The following NR2E1 variants were observed in gnomAD, a reference collection of about 807,000 sequenced individuals.
The protein encoded by NR2E1 is nuclear receptor subfamily 2 group E member 1.
A neutral mutation model predicts 43.6 loss-of-function variants in NR2E1; 5 were observed. The ratio of observed to expected loss-of-function variants is 0.11; its 90% CI spans 0.06 to 0.24. The LOEUF is 0.24. NR2E1 is among the 10% of genes least tolerant of loss of function. The pLI, the probability that NR2E1 is intolerant of heterozygous loss-of-function variation, is 1.00. For missense variants in NR2E1, 287 were observed against 496.7 expected (o/e 0.58, Z 4.01); for synonymous variants, 191 against 195.5 (o/e 0.98, Z 0.19).
intron 1 of NR2E1, chr6:108,168,070 C>A (rs779955537): frequency 6.2e-7 from 1 of 1,603,226 alleles, no homozygotes; most frequent in Admixed American, 1.7e-5. Context: ...GAGCCCTCAC[C>A]GCGGCCGGAA....
intron 1 of NR2E1, among the ~76,000 whole-genome samples, chr6:108,170,738 G>A (rs1773798327): frequency 1.3e-5 from 2 of 152,132 alleles, no homozygotes; most frequent in Non-Finnish European, 1.5e-5. Context: ...AAGCTAACCC[G>A]ACAGGGAACC....
chr6:108,166,753 C>G lies in NR2E1; in HGVS notation c.-13C>G. 1.3e-6 allele frequency: 2 copies of G among 1,572,852 alleles called. No homozygotes were observed. The highest frequency in any genetic ancestry group is 2.2e-4 in the Middle Eastern group (1 of 4,594). The stretch of plus-strand genomic sequence containing the variant: ...GCAGCGCCCACCAACCGCTCCGCCC[C>G]GGGACAGCCAGCATGAGCAAGCCAG... On this transcript the variant is annotated 5_prime_UTR_variant, in exon 1 of 9. Coordinates refer to ENST00000368986, the MANE Select transcript of NR2E1 (RefSeq NM_003269.5). The surrounding 1 kb of genome is among the most constrained non-coding windows in gnomAD (Gnocchi z 7.2).
chr6:108,179,667 T>C (rs939637870), intron 5 of NR2E1, among the ~76,000 whole-genome samples: 4 of 152,148 alleles, frequency 2.6e-5, no homozygotes. Context: ...GAATCTGGTA[T>C]ATTAATTTGG....
Position 108,188,502 on chromosome 6 carries a change from AACAC to A in NR2E1, c.*1086_*1089del, listed in dbSNP as rs373693807. On this transcript the variant is annotated 3_prime_UTR_variant, in exon 9 of 9. Transcript: ENST00000368986. ...CTGGTTTCTAGTAAAGCCTTGAATGAACACACACACACACACACACACACACACA... is the reference window on the plus strand; with the variant it reads ...CTGGTTTCTAGTAAAGCCTTGAATGAACACACACACACACACACACACACA... 0.087 allele frequency: 11,521 copies of A among 132,866 alleles called. 547 individuals carry two copies. The highest frequency in any genetic ancestry group is 0.15 in the African/African-American group (5,182 of 35,322). 8.2% of individuals were successfully genotyped at this position (132,866 alleles called of 1,614,324 possible). A position where few individuals can be genotyped will look rare whatever the true frequency, so the allele number is the denominator to read the frequency against.
rs1047622804 is a variant in NR2E1 at position 108,166,586 on chromosome 6, T to C, written c.-180T>C. 1.9e-6 allele frequency: 1 copy of C among 532,558 alleles called. No homozygotes were observed. The highest frequency in any genetic ancestry group is 3.2e-6 in the Non-Finnish European group (1 of 310,338). The allele number at this position is 532,558 out of a possible 1,614,324, so 33.0% of individuals were successfully genotyped here. ...CTTAAGGATGCTTAAATTTCCACTGTTGGACGAATTCTGAGCGCCCAGGGA... is the reference window on the plus strand; with the variant it reads ...CTTAAGGATGCTTAAATTTCCACTGCTGGACGAATTCTGAGCGCCCAGGGA... On this transcript the variant is annotated 5_prime_UTR_variant, in exon 1 of 9. Transcript: ENST00000368986. The surrounding 1 kb of genome is among the most constrained non-coding windows in gnomAD (Gnocchi z 7.2).
At chr6:108,182,958 C>T (rs1369286845) in intron 8 of NR2E1, among the ~76,000 whole-genome samples, 2 of 152,210 alleles carry the variant, frequency 1.3e-5, no homozygotes, top group African/African-American at 4.8e-5. Flanking sequence ...ACCTAAGTCT[C>T]CCAAAGTGCT....
intron 8 of NR2E1, among the ~76,000 whole-genome samples, chr6:108,183,432 G>C (rs1275243966): frequency 1.3e-5 from 2 of 151,888 alleles, no homozygotes; most frequent in Non-Finnish European, 2.9e-5. Context: ...AAACTTTCTA[G>C]TTTCCTGAGT....
intron 4 of NR2E1, among the ~76,000 whole-genome samples, chr6:108,177,767 A>T (rs991327411): frequency 3.9e-5 from 6 of 152,252 alleles, no homozygotes; most frequent in Non-Finnish European, 8.8e-5. Flanking sequence ...AAATGCAAGC[A>T]GCTCTTGTCT....
At chr6:108,177,742 T>G (rs1306707825) in intron 4 of NR2E1, among the ~76,000 whole-genome samples, 2 of 152,250 alleles carry the variant, frequency 1.3e-5, no homozygotes, top group Non-Finnish European at 2.9e-5. Flanking sequence ...TTTTCACATC[T>G]ATTTTTATTT....
chr6:108,181,052 A>G, intron 7 of NR2E1, 96 bp downstream of exon 7: 2 of 1,325,982 alleles, frequency 1.5e-6, no homozygotes. Flanking sequence ...TTGCAAAAAG[A>G]GGTGATGGTT....
intron 1 of NR2E1, among the ~76,000 whole-genome samples, chr6:108,168,326 C>T (rs546847933): frequency 6.6e-6 from 1 of 151,202 alleles, no homozygotes; most frequent in East Asian, 2.0e-4. Context: ...CAGGCCCTCG[C>T]CTACACCCCT....
intron 1 of NR2E1, chr6:108,168,133 C>T: frequency 6.2e-7 from 1 of 1,600,538 alleles, no homozygotes; most frequent in African/African-American, 1.3e-5. Context: ...TCGGGCCTAC[C>T]CTGGCCCTCG....
intron 5 of NR2E1, chr6:108,178,776 G>T (rs1048413074): frequency 1.2e-5 from 2 of 170,956 alleles, no homozygotes; most frequent in East Asian, 1.4e-4. Flanking sequence ...CTGTAGGCTA[G>T]GTTCTTCCTT....
chr6:108,168,018 A>G, intron 1 of NR2E1: 1 of 1,587,400 alleles, frequency 6.3e-7, no homozygotes. Flanking sequence ...AACAAAAAGA[A>G]AAGGAGAAAT....
intron 1 of NR2E1, chr6:108,168,154 C>G (rs1469177109): frequency 6.3e-7 from 1 of 1,590,380 alleles, no homozygotes; most frequent in Non-Finnish European, 8.5e-7. Flanking sequence ...CTGTTGGAAT[C>G]TCCAGGAGGT....
rs552839984 is a variant in NR2E1, at chr6:108,177,900, C to T, written c.496-195C>T. On this transcript the variant is annotated intron_variant, in intron 4 of 8. Transcript: ENST00000368986. ...AAGAGTGGAAATGGACCTCCCCCAACCAGTATTACTTTTCAAACTCTATAG... is the reference window on the plus strand; with the variant it reads ...AAGAGTGGAAATGGACCTCCCCCAATCAGTATTACTTTTCAAACTCTATAG... Among the ~76,000 whole-genome samples, 336 of 152,308 alleles carry T rather than the reference C, an allele frequency of 2.2e-3. 3 individuals are homozygous for T. The highest frequency in any genetic ancestry group is 7.7e-3 in the African/African-American group (322 of 41,558).
chr6:108,169,841 C>A lies in NR2E1; in HGVS notation c.26-1617C>A, dbSNP rs1562401888. ...GCGCCTCCCCTGCCCGCCTTTGTCG[C>A]CGTCCGAATTCCCATGCTACTCTTT... is the stretch of plus-strand genomic sequence containing the variant. On this transcript the variant is annotated intron_variant, in intron 1 of 8. Coordinates refer to ENST00000368986, the MANE Select transcript of NR2E1 (RefSeq NM_003269.5). The surrounding 1 kb of genome is among the most constrained non-coding windows in gnomAD (Gnocchi z 6.1). Among the ~76,000 whole-genome samples, 1 of 152,276 alleles carries A rather than the reference C, an allele frequency of 6.6e-6. No individual in the cohort carries two copies. Among genetic ancestry groups the A allele is most frequent in the East Asian group, 1.9e-4 (1 of 5,168 alleles).
intron 3 of NR2E1, 146 bp from the exon 4 acceptor site, chr6:108,176,357 A>G: frequency 1.5e-6 from 1 of 682,198 alleles, no homozygotes; most frequent in African/African-American, 1.8e-5. Context: ...TTCCTCCCTC[A>G]GATTCCCTCT....
chr6:108,181,525 T>C (rs757312464), intron 7 of NR2E1, 21 bp from the exon 8 acceptor site: 1 of 1,594,538 alleles, frequency 6.3e-7, no homozygotes. Flanking sequence ...TCTATCACAG[T>C]TTCCTGGTCT....
Sources: allele counts gnomAD v4.1 joint callset (sites outside exome capture counted in the v4.1 genomes callset), GRCh38; gene constraint gnomAD v4.1.1; non-coding constraint Gnocchi (gnomAD v3.1); transcripts MANE v1.5; gene names NCBI Gene and HGNC (gene_info 2026-07-23, HGNC 2026-07-21).